Variants in UNK observed in about 807,000 individuals in gnomAD.
UNK encodes unk zinc finger, also known as RING finger protein unkempt homolog.
Under a neutral mutation model 97.6 loss-of-function variants are expected in UNK, and 32 were observed. That is an observed-to-expected ratio of 0.33 (90% confidence interval 0.25 to 0.44). UNK has a LOEUF of 0.44. Among genes scored for constraint, UNK ranks in the 20% least tolerant of loss-of-function variants. The pLI, the probability that UNK is intolerant of heterozygous loss-of-function variation, is 1.00. For missense variants in UNK, 771 were observed against 1,098.4 expected, an observed-to-expected ratio of 0.70 and a Z score of 4.21; for synonymous variants, 441 against 461.2, an observed-to-expected ratio of 0.96 and a Z score of 0.56.
chr17:75,803,952 A>G (rs933252718), intron 1 of UNK, among the ~76,000 whole-genome samples: 1 of 152,252 alleles, frequency 6.6e-6, no homozygotes, highest in Non-Finnish European at 1.5e-5. Context: ...AACAGTGCTT[A>G]TGCAAACCCT....
At position 75,818,749 on chromosome 17, in the gene UNK, C is replaced by T. The variant is rs376503642; in HGVS notation, c.1479C>T (p.Ser493=). 1.5e-4 allele frequency: 244 copies of T among 1,612,972 alleles called. No individual in the cohort carries two copies. Among genetic ancestry groups the T allele is most frequent in the Non-Finnish European group, 1.9e-4 (225 of 1,179,498 alleles). ...CCCCTAGCCCAGTGGGCACCAGCAG[C>T]GTCCCCGGCATGAATGCAAACGCTC... is the stretch of plus-strand genomic sequence containing the variant. The part of the protein sequence containing the change: ...ATPPSPVGTS[S]VPGMNANALP... The change falls in exon 11 of 16, where the codon AGC becomes AGT. Residue 493 remains serine (S), a synonymous_variant. Coordinates refer to ENST00000589666, the MANE Select transcript of UNK (RefSeq NM_001080419.3). This position sits in a 1 kb window ranked among gnomAD's most constrained non-coding sequence, Gnocchi z 5.1.
chr17:75,799,906 C>T (rs1251531478), intron 1 of UNK, among the ~76,000 whole-genome samples: 3 of 152,048 alleles, frequency 2.0e-5, no homozygotes, highest in Non-Finnish European at 2.9e-5. Context: ...ATAGCTAGAG[C>T]CCAGGAGTTT....
At chr17:75,810,642 G>A (rs2061960295) in intron 2 of UNK, among the ~76,000 whole-genome samples, 3 of 152,118 alleles carry the variant, frequency 2.0e-5, no homozygotes, top group Middle Eastern at 3.4e-3. Context: ...TGCAGTGGCA[G>A]CATCCTCGCT....
At chr17:75,823,568 A>G in intron 15 of UNK, 46 bp downstream of exon 15, 2 of 1,487,294 alleles carry the variant, frequency 1.3e-6, no homozygotes, top group Non-Finnish European at 1.8e-6. Flanking sequence ...CGGTGGCCTC[A>G]GCCAGCTCTT....
At chr17:75,788,140 A>G (rs531481429) in intron 1 of UNK, among the ~76,000 whole-genome samples, 1 of 151,070 alleles carries the variant, frequency 6.6e-6, no homozygotes, top group Admixed American at 6.6e-5. Flanking sequence ...ACAGAGATAG[A>G]CCCCTTTTGA....
At chr17:75,821,375 G>A (rs768639244) in intron 13 of UNK, 1 of 456,328 alleles carries the variant, frequency 2.2e-6, no homozygotes, top group Non-Finnish European at 4.4e-6. Context: ...CCAGCCATTG[G>A]GATCCTCCTG....
At chr17:75,787,522 T>G (rs74583300) in intron 1 of UNK, among the ~76,000 whole-genome samples, 2 of 149,506 alleles carry the variant, frequency 1.3e-5, no homozygotes, top group Non-Finnish European at 3.0e-5. Context: ...TTTTTTTTTT[T>G]CCTCTTCTTA....
In UNK at chr17:75,819,850, C is replaced by G; in HGVS notation, c.1648+65C>G. The G allele has an allele frequency of 1.2e-6, 2 of 1,608,388 alleles. No individual in the cohort carries two copies. The highest frequency in any genetic ancestry group is 1.7e-6 in the Non-Finnish European group (2 of 1,177,062). ...TCGGGTTCCTGCCTGGCTCAGGCCCCTTGCTCTGTGTGGCCCGCCTGGCTT... is the reference window on the plus strand; with the variant it reads ...TCGGGTTCCTGCCTGGCTCAGGCCCGTTGCTCTGTGTGGCCCGCCTGGCTT... On this transcript the variant is annotated intron_variant, in intron 12 of 15. Transcript: ENST00000589666. The surrounding 1 kb of genome is among the most constrained non-coding windows in gnomAD (Gnocchi z 5.4).
Position 75,817,316 on chromosome 17 carries a change from T to G in UNK, c.1105-10T>G. 1 of 1,561,744 alleles carries G rather than the reference T, an allele frequency of 6.4e-7. No individual in the cohort carries two copies. Among genetic ancestry groups the G allele is most frequent in the South Asian group, 1.2e-5 (1 of 85,644 alleles). ...CCCACGGGCCCACTCCCTCCCCTCC[T>G]TCTCCGCAGCTCCTCTGTAGAAACA... On this transcript the variant is annotated splice_polypyrimidine_tract_variant and intron_variant, in intron 8 of 15. Coordinates refer to ENST00000589666, the MANE Select transcript of UNK (RefSeq NM_001080419.3). This position sits in a 1 kb window ranked among gnomAD's most constrained non-coding sequence, Gnocchi z 5.8.
Position 75,816,740 on chromosome 17 carries a change from C to G in UNK, c.962-30C>G. 1.9e-6 allele frequency: 3 copies of G among 1,578,058 alleles called. No homozygotes were observed. The highest frequency in any genetic ancestry group is 1.7e-6 in the Non-Finnish European group (2 of 1,165,426). The stretch of plus-strand genomic sequence containing the variant: ...TTTGGAGGGACAGAGCTGGCTGGGG[C>G]CTGCTGACCCCTGCCCCTGACTCTT... On this transcript the variant is annotated intron_variant, in intron 7 of 15. Coordinates refer to ENST00000589666, the MANE Select transcript of UNK (RefSeq NM_001080419.3). The surrounding 1 kb of genome is among the most constrained non-coding windows in gnomAD (Gnocchi z 4.0).
At chr17:75,808,055 G>A (rs2061934996) in intron 1 of UNK, among the ~76,000 whole-genome samples, 2 of 152,204 alleles carry the variant, frequency 1.3e-5, no homozygotes, top group South Asian at 4.1e-4. Context: ...CTGGCTCGGG[G>A]CCCAGCTTCC....
chr17:75,799,965 G>GA lies in UNK; in HGVS notation c.105-9787dup, dbSNP rs1009568579. Among the ~76,000 whole-genome samples the GA allele has an allele frequency of 5.9e-5, 9 of 151,960 alleles. No individual in the cohort carries two copies. The South Asian group carries it at 1.9e-3, about 32-fold the overall frequency. ...GAGCCCCCTTTCTCCACAAAAAGGG[G>GA]AAAAAAAAGACAAAAAAACCCAAGT... is the stretch of plus-strand genomic sequence containing the variant. On this transcript the variant is annotated intron_variant, in intron 1 of 15. Transcript: ENST00000589666.
At chr17:75,802,463 C>T (rs1239799205) in intron 1 of UNK, among the ~76,000 whole-genome samples, 13 of 151,796 alleles carry the variant, frequency 8.6e-5, no homozygotes, top group Admixed American at 8.6e-4. Context: ...TGGGGTCTTG[C>T]TATGTTGCCC....
chr17:75,810,427 G>A (rs2061958252), intron 2 of UNK, among the ~76,000 whole-genome samples: 1 of 148,038 alleles, frequency 6.8e-6, no homozygotes, highest in South Asian at 2.1e-4. Context: ...ACTAATGACA[G>A]ACATAGGGAG....
intron 1 of UNK, among the ~76,000 whole-genome samples, chr17:75,798,980 G>A (rs2061831678): frequency 6.6e-6 from 1 of 151,814 alleles, no homozygotes; most frequent in Non-Finnish European, 1.5e-5. Context: ...GCAGGAGAAT[G>A]GTGCAAACCC....
At chr17:75,808,876 G>C (rs983796190) in intron 1 of UNK, 1 of 152,256 alleles carries the variant, frequency 6.6e-6, no homozygotes, top group African/African-American at 2.4e-5. Context: ...GGGGGTAAGT[G>C]GGTCTGGGGC....
chr17:75,806,036 G>A (rs577470067), intron 1 of UNK, among the ~76,000 whole-genome samples: 66 of 150,248 alleles, frequency 4.4e-4, no homozygotes, highest in Admixed American at 3.5e-3. Flanking sequence ...CCCAGGGGCA[G>A]AGATTGCAGT....
At chr17:75,794,153 A>G (rs2061785319) in intron 1 of UNK, 1 of 974,806 alleles carries the variant, frequency 1.0e-6, no homozygotes, top group Non-Finnish European at 1.2e-6. Flanking sequence ...TTTATAATGA[A>G]TACAAAAATG....
chr17:75,805,629 T>C (rs1001696981), intron 1 of UNK, among the ~76,000 whole-genome samples: 4 of 151,508 alleles, frequency 2.6e-5, no homozygotes, highest in African/African-American at 7.3e-5. Context: ...AGATCTTATC[T>C]GTACTAAAAA....
Sources: allele counts gnomAD v4.1 joint callset (sites outside exome capture counted in the v4.1 genomes callset), GRCh38; gene constraint gnomAD v4.1.1; non-coding constraint Gnocchi (gnomAD v3.1); transcripts MANE v1.5; gene names NCBI Gene and HGNC (gene_info 2026-07-23, HGNC 2026-07-21).